The following CALD1 variants were observed in gnomAD, a reference collection of about 807,000 sequenced individuals.
CALD1 encodes caldesmon.
Under a neutral mutation model 99.9 loss-of-function variants are expected in CALD1, and 33 were observed. The ratio of observed to expected loss-of-function variants is 0.33; its 90% CI spans 0.25 to 0.44. CALD1 has a LOEUF of 0.44. Ranked by LOEUF, CALD1 falls within the 20% of genes least tolerant of loss-of-function variation. CALD1 has a pLI of 1.00. For synonymous variants in CALD1, 310 were observed against 325.0 expected, an observed-to-expected ratio of 0.95 and a Z score of 0.50; for missense variants, 861 against 962.1, an observed-to-expected ratio of 0.89 and a Z score of 1.39.
At chr7:134,853,114 G>A (rs1324033470) in intron 2 of CALD1, among the ~76,000 whole-genome samples, 7 of 152,138 alleles carry the variant, frequency 4.6e-5, no homozygotes, top group East Asian at 3.9e-4. Flanking sequence ...ATGTCTTAAC[G>A]TGGATTCCCC....
intron 1 of CALD1, among the ~76,000 whole-genome samples, chr7:134,841,832 A>AAG (rs151226147): frequency 0.22 from 33,321 of 152,016 alleles, 4,472 homozygotes; most frequent in African/African-American, 0.38. Context: ...AGTAACTTGG[A>AAG]AGTTTCATGA....
chr7:134,846,547 G>A (rs565949146), intron 2 of CALD1, among the ~76,000 whole-genome samples: 8 of 152,270 alleles, frequency 5.3e-5, no homozygotes, highest in African/African-American at 1.7e-4. Context: ...AGGGGTAAAG[G>A]TATTTATTCA....
At chr7:134,827,062 C>T (rs1415306023) in intron 1 of CALD1, among the ~76,000 whole-genome samples, 1 of 152,178 alleles carries the variant, frequency 6.6e-6, no homozygotes, top group Admixed American at 6.5e-5. Flanking sequence ...TGCCTTAATT[C>T]TCTCCCATGT....
rs529584989 is a variant in CALD1 at position 134,765,620 on chromosome 7, G to A, written c.-130+21257G>A. ...TATCAATGTATTCCCAGGTGATATCGTTTGAATATTTGTCCCCACCCAAAT... is the reference window on the plus strand; with the variant it reads ...TATCAATGTATTCCCAGGTGATATCATTTGAATATTTGTCCCCACCCAAAT... On this transcript the variant is annotated intron_variant, in intron 1 of 13. Coordinates refer to the CALD1 transcript ENST00000417172. 5.3e-5 allele frequency among the ~76,000 whole-genome samples: 8 copies of A among 152,246 alleles called. No individual in the cohort carries two copies. The South Asian group carries it at 6.2e-4, about 12-fold the overall frequency.
intron 13 of CALD1, chr7:134,962,948 T>C (rs1411973032): frequency 2.2e-6 from 1 of 455,784 alleles, no homozygotes; most frequent in Non-Finnish European, 4.4e-6. Flanking sequence ...ATTCCATTTA[T>C]ATTTCCCCTT....
In CALD1 at chr7:134,957,967, C is replaced by T. The variant is rs146254753; in HGVS notation, c.1936-102C>T. 1.2e-3 allele frequency: 958 copies of T among 828,812 alleles called. 4 individuals carry two copies. In the African/African-American group the frequency reaches 0.013, roughly 12 times the overall value. 51.3% of individuals were successfully genotyped at this position (828,812 alleles called of 1,614,324 possible). A position where few individuals can be genotyped will look rare whatever the true frequency, so the allele number is the denominator to read the frequency against. On this transcript the variant is annotated intron_variant, in intron 9 of 14. Transcript: ENST00000361675. Reference sequence around the variant, plus strand: ...AACTCAAATACCCTTATATGCTCTTCGGTGTGTTTAACAGGTTCAGGGATG... The same window carrying T: ...AACTCAAATACCCTTATATGCTCTTTGGTGTGTTTAACAGGTTCAGGGATG...
chr7:134,761,259 G>A (rs977141792), intron 1 of CALD1, among the ~76,000 whole-genome samples: 3 of 152,064 alleles, frequency 2.0e-5, no homozygotes, highest in African/African-American at 4.8e-5. Flanking sequence ...TTTTCCAAAT[G>A]ATATCCTGTT....
intron 3 of CALD1, among the ~76,000 whole-genome samples, chr7:134,926,867 T>C (rs1360143061): frequency 6.6e-6 from 1 of 152,002 alleles, no homozygotes; most frequent in East Asian, 1.9e-4. Context: ...ATTTTAACAA[T>C]TTAAAGTGTA....
chr7:134,898,611 T>C (rs940500312), intron 3 of CALD1, among the ~76,000 whole-genome samples: 19 of 152,156 alleles, frequency 1.2e-4, no homozygotes, highest in Admixed American at 8.5e-4. Context: ...CCTCACTCTA[T>C]TGCCCAGGCT....
chr7:134,904,967 T>G (rs921735432), intron 3 of CALD1, among the ~76,000 whole-genome samples: 2 of 152,126 alleles, frequency 1.3e-5, no homozygotes, highest in African/African-American at 4.8e-5. Context: ...GCATTCTATT[T>G]GTTGGACATT....
chr7:134,906,005 C>T (rs768244865), intron 3 of CALD1, among the ~76,000 whole-genome samples: 12 of 145,848 alleles, frequency 8.2e-5, no homozygotes, highest in Non-Finnish European at 1.6e-4. Flanking sequence ...TCTTGGCTCA[C>T]TGCAACCTCC....
chr7:134,820,972 A>T lies in CALD1; in HGVS notation c.-129-22912A>T, dbSNP rs891321161. Among the ~76,000 whole-genome samples the T allele has an allele frequency of 2.1e-4, 32 of 152,290 alleles. 1 individual carries two copies. Among genetic ancestry groups the T allele is most frequent in the Middle Eastern group, 3.4e-3 (1 of 294 alleles). On this transcript the variant is annotated intron_variant, in intron 1 of 14. Transcript: ENST00000361675. Reference sequence around the variant, plus strand: ...TGAAGGAGAGGGGAGGAGAAAAATGATGCAAACTATTTACTTCCCCTTAGA... The same window carrying T: ...TGAAGGAGAGGGGAGGAGAAAAATGTTGCAAACTATTTACTTCCCCTTAGA...
chr7:134,832,979 T>C (rs1799291339), intron 1 of CALD1, among the ~76,000 whole-genome samples: 1 of 152,230 alleles, frequency 6.6e-6, no homozygotes, highest in East Asian at 1.9e-4. Context: ...GTCTTGTCTC[T>C]GGACAGTATG....
intron 9 of CALD1, among the ~76,000 whole-genome samples, chr7:134,955,791 CTATTT>C (rs559411873): frequency 3.1e-4 from 47 of 152,256 alleles, no homozygotes; most frequent in South Asian, 2.3e-3. Context: ...ATCAATAGCA[CTATTT>C]TATTTATTAG....
upstream of CALD1, among the ~76,000 whole-genome samples, chr7:134,739,710 C>T (rs1239147955): frequency 6.6e-6 from 1 of 152,076 alleles, no homozygotes; most frequent in Non-Finnish European, 1.5e-5. Context: ...CTTAATGACA[C>T]ATGGAAGGCA....
At chr7:134,902,807 T>C (rs1443441988) in intron 3 of CALD1, among the ~76,000 whole-genome samples, 1 of 152,196 alleles carries the variant, frequency 6.6e-6, no homozygotes, top group Non-Finnish European at 1.5e-5. Context: ...GTAGAATCCT[T>C]CAATCCTTAA....
chr7:134,877,986 C>T (rs1172569592), intron 3 of CALD1, among the ~76,000 whole-genome samples: 2 of 152,114 alleles, frequency 1.3e-5, no homozygotes, highest in African/African-American at 4.8e-5. Flanking sequence ...CTAACTCATC[C>T]TAATGCGTAT....
intron 3 of CALD1, among the ~76,000 whole-genome samples, chr7:134,926,420 C>A (rs1448040778): frequency 6.6e-6 from 1 of 152,064 alleles, no homozygotes; most frequent in Admixed American, 6.5e-5. Flanking sequence ...ATAAACCAGC[C>A]CATTTTATAG....
At chr7:134,935,612 G>A (rs751045744) in intron 5 of CALD1, 76 bp from the exon 6 acceptor site, 248 of 1,528,898 alleles carry the variant, frequency 1.6e-4, no homozygotes, top group South Asian at 2.6e-4. Flanking sequence ...AAGGCGATCC[G>A]AGCACCCTGT....
Sources: allele counts gnomAD v4.1 joint callset (sites outside exome capture counted in the v4.1 genomes callset), GRCh38; gene constraint gnomAD v4.1.1; transcripts MANE v1.5; gene names NCBI Gene and HGNC (gene_info 2026-07-23, HGNC 2026-07-21).